The following ZNF83 variants were observed in gnomAD, a reference collection of about 807,000 sequenced individuals.
ZNF83 encodes zinc finger protein 816B.
For missense variants in ZNF83, 552 were observed against 629.9 expected, an observed-to-expected ratio of 0.88 and a Z score of 1.32; for synonymous variants, 209 against 213.0, an observed-to-expected ratio of 0.98 and a Z score of 0.17.
intron 2 of ZNF83, among the ~76,000 whole-genome samples, chr19:52,622,728 G>A (rs2060593342): frequency 6.6e-6 from 1 of 151,672 alleles, no homozygotes; most frequent in East Asian, 1.9e-4. Context: ...AGGGTCAGAA[G>A]GCTGTCTCAT....
At chr19:52,628,286 C>T (rs182990089) in intron 2 of ZNF83, among the ~76,000 whole-genome samples, 1 of 152,280 alleles carries the variant, frequency 6.6e-6, no homozygotes, top group Non-Finnish European at 1.5e-5. Flanking sequence ...CCACCTACGA[C>T]CTCAGGTCCT....
At chr19:52,636,468 A>G (rs2061151376) in intron 1 of ZNF83, 1 of 152,174 alleles carries the variant, frequency 6.6e-6, no homozygotes, top group African/African-American at 2.4e-5. Flanking sequence ...AGGGATTCCA[A>G]GTGGAAGCTA....
chr19:52,687,611 A>AAATTAT lies in ZNF83; in HGVS notation c.-283+2831_-283+2832insATAATT, dbSNP rs1568588948. ...ATATATATATAATGTATATATATAT[A>AAATTAT]ATGTGTATATATATATATAATGTAT... On this transcript the variant is annotated intron_variant, in intron 1 of 5. Coordinates refer to the ZNF83 transcript ENST00000594682. 3.9e-3 allele frequency among the ~76,000 whole-genome samples: 110 copies of AAATTAT among 28,240 alleles called. 3 individuals carry two copies. Among genetic ancestry groups the AAATTAT allele is most frequent in the African/African-American group, 0.016 (40 of 2,426 alleles). 18.5% of individuals were successfully genotyped at this position (28,240 alleles called of 152,430 possible).
At chr19:52,681,924 T>C (rs2061928491) in intron 1 of ZNF83, among the ~76,000 whole-genome samples, 1 of 152,198 alleles carries the variant, frequency 6.6e-6, no homozygotes, top group Non-Finnish European at 1.5e-5. Context: ...CTCAGCTCAC[T>C]GCAACCTCGT....
chr19:52,631,710 T>A (rs376380113), intron 2 of ZNF83, among the ~76,000 whole-genome samples: 7 of 152,272 alleles, frequency 4.6e-5, no homozygotes, highest in South Asian at 2.1e-4. Flanking sequence ...CATTTCCCCA[T>A]ATTTCCTTCT....
At chr19:52,653,413 G>A in intron 3 of ZNF83, 1 of 861,574 alleles carries the variant, frequency 1.2e-6, no homozygotes, top group Non-Finnish European at 1.9e-6. Flanking sequence ...TTTCTCTTCA[G>A]TATGAACTCT....
chr19:52,682,654 C>T (rs563241376), intron 1 of ZNF83, among the ~76,000 whole-genome samples: 13 of 151,522 alleles, frequency 8.6e-5, no homozygotes, highest in East Asian at 5.9e-4. Context: ...GGCAACAAAG[C>T]GAGACTCCAT....
chr19:52,629,562 G>C (rs902225268), intron 2 of ZNF83, among the ~76,000 whole-genome samples: 2 of 152,052 alleles, frequency 1.3e-5, no homozygotes, highest in Non-Finnish European at 2.9e-5. Flanking sequence ...TTACAGTTTT[G>C]TTCCGTGACT....
At chr19:52,647,778 T>C (rs139911484) in intron 3 of ZNF83, among the ~76,000 whole-genome samples, 12 of 152,076 alleles carry the variant, frequency 7.9e-5, no homozygotes, top group African/African-American at 2.7e-4. Flanking sequence ...TTGGAACTTA[T>C]ATAACCTCTT....
intron 2 of ZNF83, among the ~76,000 whole-genome samples, chr19:52,657,047 C>A (rs1024148942): frequency 2.6e-5 from 4 of 151,864 alleles, no homozygotes; most frequent in African/African-American, 9.7e-5. Context: ...GCCTGGAGAG[C>A]AGAGTTTGAA....
intron 1 of ZNF83, among the ~76,000 whole-genome samples, chr19:52,637,241 C>T (rs1038630031): frequency 3.3e-5 from 5 of 152,126 alleles, no homozygotes; most frequent in African/African-American, 1.2e-4. Context: ...CATCTCTGTG[C>T]ATCCTCTGCT....
intron 3 of ZNF83, among the ~76,000 whole-genome samples, chr19:52,643,998 G>C (rs1424143807): frequency 6.6e-6 from 1 of 152,124 alleles, no homozygotes; most frequent in Non-Finnish European, 1.5e-5. Context: ...CTGGACACAG[G>C]GCTGTGGAGC....
In ZNF83 at chr19:52,637,526, CTTTT is replaced by C. The variant is rs1018010412; in HGVS notation, c.-322+782_-322+785del. Among the ~76,000 whole-genome samples, 4 of 151,810 alleles carry C rather than the reference CTTTT, an allele frequency of 2.6e-5. No homozygotes were observed. In the East Asian group the frequency reaches 7.7e-4, roughly 29 times the overall value. On this transcript the variant is annotated intron_variant, in intron 1 of 2. Transcript: ENST00000301096. ...CCAGTTACTTTTCTCCTCCTGCTTT[CTTTT>C]TTTTTCTTTTCACTTTTGCTGTCTC...
At chr19:52,619,526 TGAGGCAG>T (rs1391301585) in intron 2 of ZNF83, among the ~76,000 whole-genome samples, 1 of 151,790 alleles carries the variant, frequency 6.6e-6, no homozygotes, top group Non-Finnish European at 1.5e-5. Context: ...CTCAGGAGGC[TGAGGCAG>T]GAGAATTGCT....
intron 3 of ZNF83, chr19:52,654,153 A>C: frequency 6.2e-7 from 1 of 1,605,794 alleles, no homozygotes; most frequent in Non-Finnish European, 8.5e-7. Flanking sequence ...GCTTGTTTCC[A>C]GCATGCCTTT....
Position 52,613,502 on chromosome 19 carries a change from T to G in ZNF83, c.1063A>C (p.Ser355Arg), listed in dbSNP as rs767143729. The change falls in exon 3 of 3, where the codon AGT becomes CGT. Residue 355 changes from serine to arginine, a missense_variant. Coordinates refer to ENST00000301096, the Ensembl canonical transcript of ZNF83. ...TGTTGGGCAAGGTATGAATTGCGAC[T>G]GAAGACCTTGCCACATTCATTACAT... 3.7e-6 allele frequency: 6 copies of G among 1,613,888 alleles called. No homozygotes were observed. In the East Asian group the frequency reaches 1.3e-4, roughly 36 times the overall value.
At chr19:52,675,538 A>G (rs1188465285) in intron 1 of ZNF83, among the ~76,000 whole-genome samples, 1 of 151,958 alleles carries the variant, frequency 6.6e-6, no homozygotes, top group Non-Finnish European at 1.5e-5. Flanking sequence ...GCCTCCTATA[A>G]TTTTGTCCAG....
chr19:52,637,707 G>A (rs929775870), intron 1 of ZNF83, among the ~76,000 whole-genome samples: 33 of 152,156 alleles, frequency 2.2e-4, no homozygotes, highest in African/African-American at 7.7e-4. Flanking sequence ...GCATCCCGGA[G>A]GAGCTCGTTT....
intron 1 of ZNF83, among the ~76,000 whole-genome samples, chr19:52,684,991 G>T (rs1276658895): frequency 6.6e-6 from 1 of 152,184 alleles, no homozygotes; most frequent in Non-Finnish European, 1.5e-5. Context: ...ATTTGGCTGT[G>T]ATGTCCTCAT....
Sources: allele counts gnomAD v4.1 joint callset (sites outside exome capture counted in the v4.1 genomes callset), GRCh38; gene constraint gnomAD v4.1.1; transcripts MANE v1.5; gene names NCBI Gene and HGNC (gene_info 2026-07-23, HGNC 2026-07-21).